OPCML: variants seen among roughly 807,000 people sequenced by gnomAD.
OPCML encodes opioid binding protein/cell adhesion molecule like.
In OPCML, 13 loss-of-function variants were observed where a neutral mutation model predicts 37.8. That is an observed-to-expected ratio of 0.34 (90% CI 0.22 to 0.55). The LOEUF (loss-of-function observed/expected upper bound fraction) is 0.55, where lower values mean the gene tolerates loss of function less well. OPCML is among the 20% of genes least tolerant of loss of function. The pLI is 0.91. For synonymous variants in OPCML, 176 were observed against 168.8 expected (o/e 1.04, Z -0.33); for missense variants, 341 against 435.6 (o/e 0.78, Z 1.93).
intron 1 of OPCML, among the ~76,000 whole-genome samples, chr11:133,289,572 G>A (rs1483296808): frequency 2.1e-5 from 3 of 141,228 alleles, no homozygotes; most frequent in Non-Finnish European, 4.5e-5. Context: ...TCCAGCCTGG[G>A]CGACAGAGCG....
chr11:133,276,502 T>C (rs1941999202), intron 1 of OPCML, among the ~76,000 whole-genome samples: 1 of 152,190 alleles, frequency 6.6e-6, no homozygotes, highest in South Asian at 2.1e-4. Context: ...TATGGCGATA[T>C]GATTTGGAGC....
At chr11:132,776,864 G>A (rs569476898) in intron 2 of OPCML, among the ~76,000 whole-genome samples, 7 of 152,212 alleles carry the variant, frequency 4.6e-5, no homozygotes, top group Admixed American at 6.5e-5. Flanking sequence ...AGGTCAGTGC[G>A]AGCAGTTGTT....
intron 1 of OPCML, among the ~76,000 whole-genome samples, chr11:133,426,713 T>C (rs529049877): frequency 1.3e-5 from 2 of 152,298 alleles, no homozygotes; most frequent in African/African-American, 4.8e-5. Context: ...CCAATGGTGA[T>C]TCTCTTTTAG....
rs116842351 is a variant in OPCML, at chr11:132,824,116, G to C, written c.146+118810C>G. On this transcript the variant is annotated intron_variant, in intron 2 of 7. Coordinates refer to ENST00000524381, the MANE Select transcript of OPCML (RefSeq NM_001012393.5). Reference sequence around the variant, plus strand: ...TCCAGTTTAAATCTCAGCCCTGAATGCTTACTGGATCTCCTCATTTTAGCT... The same window carrying C: ...TCCAGTTTAAATCTCAGCCCTGAATCCTTACTGGATCTCCTCATTTTAGCT... Among the ~76,000 whole-genome samples the C allele has an allele frequency of 2.9e-3, 442 of 152,194 alleles. 1 individual carries two copies. Among genetic ancestry groups the C allele is most frequent in the East Asian group, 0.01 (53 of 5,178 alleles).
chr11:133,282,294 C>T (rs1942180520), intron 1 of OPCML, among the ~76,000 whole-genome samples: 1 of 152,236 alleles, frequency 6.6e-6, no homozygotes, highest in Non-Finnish European at 1.5e-5. Context: ...CCAGACACTG[C>T]TCCCCACATC....
intron 2 of OPCML, among the ~76,000 whole-genome samples, chr11:132,702,732 C>T (rs1448492908): frequency 2.0e-5 from 3 of 152,048 alleles, no homozygotes; most frequent in South Asian, 2.1e-4. Flanking sequence ...CCATAAGTCC[C>T]GTAGGCTTTT....
At chr11:132,884,383 G>C (rs1591753135) in intron 2 of OPCML, among the ~76,000 whole-genome samples, 1 of 152,286 alleles carries the variant, frequency 6.6e-6, no homozygotes, top group South Asian at 2.1e-4. Flanking sequence ...AACTGTCTGT[G>C]GTGGATAGAA....
intron 1 of OPCML, among the ~76,000 whole-genome samples, chr11:133,369,766 C>T (rs1413951392): frequency 6.6e-6 from 1 of 152,044 alleles, no homozygotes; most frequent in Non-Finnish European, 1.5e-5. Flanking sequence ...CTTAAGCTTT[C>T]TAGTATAGTA....
intron 2 of OPCML, among the ~76,000 whole-genome samples, chr11:132,765,239 G>T (rs1047478493): frequency 3.3e-5 from 5 of 152,206 alleles, no homozygotes; most frequent in African/African-American, 1.2e-4. Flanking sequence ...GTTCTTAGTT[G>T]CCACAGGGCT....
At chr11:133,396,677 T>C (rs1945293056) in intron 1 of OPCML, among the ~76,000 whole-genome samples, 1 of 152,188 alleles carries the variant, frequency 6.6e-6, no homozygotes, top group South Asian at 2.1e-4. Flanking sequence ...AACTTTCACT[T>C]ATCTTTCTCT....
At chr11:132,831,384 TAAGCCC>T (rs1216269587) in intron 2 of OPCML, among the ~76,000 whole-genome samples, 1 of 152,150 alleles carries the variant, frequency 6.6e-6, no homozygotes, top group Admixed American at 6.5e-5. Context: ...TCTACATTCA[TAAGCCC>T]ACAGGTGATG....
At chr11:132,962,071 T>C (rs1310506308) in intron 1 of OPCML, among the ~76,000 whole-genome samples, 2 of 152,258 alleles carry the variant, frequency 1.3e-5, no homozygotes, top group Admixed American at 6.5e-5. Context: ...TTATTCTCAG[T>C]ACCAAGCACA....
At chr11:133,221,670 C>T (rs558303612) in intron 1 of OPCML, among the ~76,000 whole-genome samples, 62 of 152,236 alleles carry the variant, frequency 4.1e-4, no homozygotes, top group African/African-American at 1.4e-3. Context: ...CTGCATTCAC[C>T]TCTGGATTAT....
intron 1 of OPCML, among the ~76,000 whole-genome samples, chr11:132,972,537 G>A (rs966331902): frequency 2.6e-5 from 4 of 152,178 alleles, no homozygotes; most frequent in African/African-American, 4.8e-5. Flanking sequence ...CTTCGTGTGC[G>A]TTTTTATTAA....
chr11:133,021,385 G>T (rs917161950), intron 1 of OPCML, among the ~76,000 whole-genome samples: 1 of 152,056 alleles, frequency 6.6e-6, no homozygotes, highest in Non-Finnish European at 1.5e-5. Context: ...CCCAGGGTAC[G>T]CTTCTATTCA....
intron 2 of OPCML, among the ~76,000 whole-genome samples, chr11:132,926,746 C>A (rs1037397945): frequency 4.6e-5 from 7 of 151,622 alleles, no homozygotes; most frequent in African/African-American, 1.7e-4. Flanking sequence ...GAAACATAGA[C>A]TTAAAACTTA....
chr11:133,127,039 T>C (rs1949528084), intron 1 of OPCML, among the ~76,000 whole-genome samples: 1 of 152,120 alleles, frequency 6.6e-6, no homozygotes, highest in Non-Finnish European at 1.5e-5. Context: ...CTTTTTCCCA[T>C]CTCCAAACTT....
chr11:133,041,362 A>G (rs1454223756), intron 1 of OPCML, among the ~76,000 whole-genome samples: 1 of 152,188 alleles, frequency 6.6e-6, no homozygotes, highest in Non-Finnish European at 1.5e-5. Flanking sequence ...TCAACTTTCA[A>G]ACAGCAGTGA....
intron 2 of OPCML, among the ~76,000 whole-genome samples, chr11:132,843,092 C>CTTT (rs56036372): frequency 0.18 from 22,331 of 123,132 alleles, 2,462 homozygotes; most frequent in Non-Finnish European, 0.26. Flanking sequence ...CTTTTTCTTT[C>CTTT]TTTTTTTTTT....
Sources: allele counts gnomAD v4.1 joint callset (sites outside exome capture counted in the v4.1 genomes callset), GRCh38; gene constraint gnomAD v4.1.1; transcripts MANE v1.5; gene names NCBI Gene and HGNC (gene_info 2026-07-23, HGNC 2026-07-21).